TMEM229B: variants seen among roughly 807,000 people sequenced by gnomAD.
TMEM229B encodes the protein chromosome 14 open reading frame 83.
TMEM229B carries 6 observed loss-of-function variants against 13.7 expected under a neutral mutation model. The observed-to-expected ratio is 0.44, with a 90% confidence interval of 0.24 to 0.86. The LOEUF (loss-of-function observed/expected upper bound fraction) is 0.86, where lower values mean the gene tolerates loss of function less well. TMEM229B is among the 40% of genes least tolerant of loss of function. The pLI, the probability that TMEM229B is intolerant of heterozygous loss-of-function variation, is 0.23. For missense variants in TMEM229B, 170 were observed against 236.0 expected (o/e 0.72, Z 1.83); for synonymous variants, 107 against 102.1 (o/e 1.05, Z -0.29).
At chr14:67,497,757 G>T (rs1250290439) in intron 1 of TMEM229B, among the ~76,000 whole-genome samples, 1 of 151,958 alleles carries the variant, frequency 6.6e-6, no homozygotes, top group Non-Finnish European at 1.5e-5. Context: ...CAGCATTTTG[G>T]AAAGTCACGT....
chr14:67,475,816 G>A (rs980046876), intron 2 of TMEM229B, among the ~76,000 whole-genome samples: 3 of 152,096 alleles, frequency 2.0e-5, no homozygotes, highest in African/African-American at 7.2e-5. Context: ...CTCCACCAGC[G>A]ACTGTCTGCA....
Position 67,473,189 on chromosome 14 carries a change from C to G in TMEM229B, c.*231G>C. On this transcript the variant is annotated 3_prime_UTR_variant, in exon 3 of 3. Transcript: ENST00000554480. This position sits in a 1 kb window ranked among gnomAD's most constrained non-coding sequence, Gnocchi z 6.5. ...ACCAACCCCTGAACTGGGCCGCGATCCATGGACCCTTCCCAATGTCCCTCT... is the reference window on the plus strand; with the variant it reads ...ACCAACCCCTGAACTGGGCCGCGATGCATGGACCCTTCCCAATGTCCCTCT... 1 of 583,234 alleles carries G rather than the reference C, an allele frequency of 1.7e-6. No individual in the cohort carries two copies. Among genetic ancestry groups the G allele is most frequent in the Non-Finnish European group, 3.0e-6 (1 of 334,124 alleles). 36.1% of individuals were successfully genotyped at this position (583,234 alleles called of 1,614,324 possible). A position where few individuals can be genotyped will look rare whatever the true frequency, so the allele number is the denominator to read the frequency against.
intron 1 of TMEM229B, chr14:67,533,251 C>G (rs902930430): frequency 6.6e-6 from 1 of 151,956 alleles, no homozygotes; most frequent in Non-Finnish European, 1.5e-5. Flanking sequence ...TCGCCCCGCC[C>G]CGCAGCCCAC....
rs937506074 is a variant in TMEM229B, at chr14:67,470,269, T to G, written c.*3151A>C. On this transcript the variant is annotated 3_prime_UTR_variant, in exon 3 of 3. Coordinates refer to ENST00000554480, the MANE Select transcript of TMEM229B (RefSeq NM_001348543.2). ...AAAACAGATGGGCCAGAGCCAGTCC[T>G]GGAACACAAACACCAGTATATTTTA... 1 of 152,224 alleles carries G rather than the reference T, an allele frequency of 6.6e-6. No individual in the cohort carries two copies. The highest frequency in any genetic ancestry group is 2.4e-5 in the African/African-American group (1 of 41,438). 9.4% of individuals were successfully genotyped at this position (152,224 alleles called of 1,614,324 possible).
upstream of TMEM229B, among the ~76,000 whole-genome samples, chr14:67,519,393 G>A (rs1566706375): frequency 6.6e-6 from 1 of 152,204 alleles, no homozygotes; most frequent in Non-Finnish European, 1.5e-5. Flanking sequence ...GGAAGTAATC[G>A]AGGGTCTCCT....
In TMEM229B at chr14:67,508,759, A is replaced by AAAAAAAAAAAAAAAAAAAAC. The variant is rs1566698800; in HGVS notation, c.-192+6326_-192+6327insGTTTTTTTTTTTTTTTTTTT. 2.0e-5 allele frequency among the ~76,000 whole-genome samples: 3 copies of AAAAAAAAAAAAAAAAAAAAC among 149,668 alleles called. No individual in the cohort carries two copies. In the East Asian group the frequency reaches 5.9e-4, roughly 29 times the overall value. ...ACAGAGCAAAACCTTGTCTCAAAAA[A>AAAAAAAAAAAAAAAAAAAAC]AAAAAAAAAAAACAGAAGACAATTA... On this transcript the variant is annotated intron_variant, in intron 1 of 2. Transcript: ENST00000357461.
At position 67,473,318 on chromosome 14, in the gene TMEM229B, C is replaced by A. The variant is rs989744667; in HGVS notation, c.*102G>T. ...GTGCCCTATAGGGCTGAGGCTTGGC[C>A]GGAGCAGGGCTTTTGCTGCATGGAT... On this transcript the variant is annotated 3_prime_UTR_variant, in exon 3 of 3. Transcript: ENST00000554480. This position sits in a 1 kb window ranked among gnomAD's most constrained non-coding sequence, Gnocchi z 6.5. 15 of 1,496,846 alleles carry A rather than the reference C, an allele frequency of 1.0e-5. No individual in the cohort carries two copies. The Admixed American group carries it at 1.2e-4, about 12-fold the overall frequency. The allele number at this position is 1,496,846 out of a possible 1,614,324, so 92.7% of individuals were successfully genotyped here.
At chr14:67,512,287 A>T (rs1200662713) in intron 1 of TMEM229B, among the ~76,000 whole-genome samples, 1 of 152,186 alleles carries the variant, frequency 6.6e-6, no homozygotes, top group Non-Finnish European at 1.5e-5. Flanking sequence ...CTTACACTTT[A>T]CTTTTCAAAT....
chr14:67,519,748 G>A (rs1247684509), upstream of TMEM229B, among the ~76,000 whole-genome samples: 1 of 150,658 alleles, frequency 6.6e-6, no homozygotes, highest in Non-Finnish European at 1.5e-5. Context: ...TTTGAGACAG[G>A]TTCTCGTTCT....
intron 1 of TMEM229B, among the ~76,000 whole-genome samples, chr14:67,488,200 G>A (rs1207896887): frequency 6.6e-6 from 1 of 152,226 alleles, no homozygotes; most frequent in Non-Finnish European, 1.5e-5. Flanking sequence ...GCTGGTCTGT[G>A]CTGATGCCCA....
At chr14:67,490,036 G>A (rs113296271), upstream of TMEM229B, among the ~76,000 whole-genome samples, 22 of 152,044 alleles carry the variant, frequency 1.4e-4, no homozygotes, top group Admixed American at 1.0e-3. Context: ...CCCCCACCAC[G>A]CTATGAATTT....
At chr14:67,507,562 C>T (rs185145999) in intron 1 of TMEM229B, among the ~76,000 whole-genome samples, 293 of 152,164 alleles carry the variant, frequency 1.9e-3, no homozygotes, top group Non-Finnish European at 3.4e-3. Flanking sequence ...GATCCTCCCA[C>T]CTCAGCCTCC....
At chr14:67,523,343 A>T (rs1594722898) in intron 1 of TMEM229B, among the ~76,000 whole-genome samples, 1 of 152,072 alleles carries the variant, frequency 6.6e-6, no homozygotes, top group African/African-American at 2.4e-5. Context: ...AAAAGAAAAG[A>T]AAAAAGAGGA....
intron 2 of TMEM229B, among the ~76,000 whole-genome samples, chr14:67,474,259 AC>A (rs2031019964): frequency 9.1e-6 from 1 of 109,344 alleles, no homozygotes; most frequent in Admixed American, 8.5e-5. Flanking sequence ...CTCCAAAAAA[AC>A]AAAACAAAAA....
rs145134142 is a variant in TMEM229B at position 67,496,248 on chromosome 14, G to A, written c.-191-9076C>T. ...TTTATTTATTTTGAGACCAGGTTAT[G>A]AGACTGGCTAATTTTTGTATTTTTG... On this transcript the variant is annotated intron_variant, in intron 1 of 2. Coordinates refer to the TMEM229B transcript ENST00000357461. Among the ~76,000 whole-genome samples, 21 of 152,084 alleles carry A rather than the reference G, an allele frequency of 1.4e-4. No individual in the cohort carries two copies. The East Asian group carries it at 4.1e-3, about 29-fold the overall frequency.
At chr14:67,474,041 C>T in intron 2 of TMEM229B, 100 bp from the exon 3 acceptor site, 1 of 1,314,954 alleles carries the variant, frequency 7.6e-7, no homozygotes, top group Middle Eastern at 2.7e-4. Flanking sequence ...CACTTGAGGT[C>T]AGGAGTTCCA....
upstream of TMEM229B, among the ~76,000 whole-genome samples, chr14:67,520,044 G>A (rs1422925174): frequency 6.6e-6 from 1 of 152,048 alleles, no homozygotes; most frequent in Non-Finnish European, 1.5e-5. Context: ...TTTTACAGTG[G>A]TTTTAGGTTC....
chr14:67,491,690 C>A (rs2032175967), upstream of TMEM229B, among the ~76,000 whole-genome samples: 1 of 152,208 alleles, frequency 6.6e-6, no homozygotes, highest in Non-Finnish European at 1.5e-5. Flanking sequence ...TTACTCAAAG[C>A]CCCCAGTTCT....
intron 2 of TMEM229B, among the ~76,000 whole-genome samples, chr14:67,479,993 G>A (rs1342720900): frequency 1.3e-5 from 2 of 152,152 alleles, no homozygotes; most frequent in African/African-American, 4.8e-5. Context: ...GAGACCTAAT[G>A]GACGCTGCCC....
Sources: gnomAD v4.1 joint callset for allele counts (sites outside exome capture counted in the v4.1 genomes callset) on GRCh38, gnomAD v4.1.1 for gene constraint, Gnocchi (gnomAD v3.1) non-coding constraint, MANE v1.5 for transcripts, NCBI Gene and HGNC (gene_info 2026-07-23, HGNC 2026-07-21) for gene names.